Variants in FAT3 observed in about 807,000 individuals in gnomAD.
FAT3 encodes the protein protocadherin Fat 3.
A neutral mutation model predicts 310.2 loss-of-function variants in FAT3; 95 were observed. The ratio of observed to expected loss-of-function variants is 0.31; its 90% confidence interval spans 0.26 to 0.36. The LOEUF (loss-of-function observed/expected upper bound fraction) is 0.36. FAT3 is among the 10% of genes least tolerant of loss of function. The pLI is 1.00. For missense variants in FAT3, 5,408 were observed against 5,715.6 expected, an observed-to-expected ratio of 0.95 and a Z score of 1.74; for synonymous variants, 2,314 against 2,192.9, an observed-to-expected ratio of 1.06 and a Z score of -1.54.
intron 2 of FAT3, among the ~76,000 whole-genome samples, chr11:92,483,756 G>T (rs556390445): frequency 6.6e-6 from 1 of 152,246 alleles, no homozygotes; most frequent in East Asian, 1.9e-4. Flanking sequence ...TAATGAAAGT[G>T]TCAGATAACC....
intron 1 of FAT3, chr11:92,336,382 C>G: frequency 5.6e-6 from 2 of 358,806 alleles, no homozygotes; most frequent in Non-Finnish European, 1.1e-5. Flanking sequence ...GCAGACAGGG[C>G]GACCACAGTC....
intron 1 of FAT3, among the ~76,000 whole-genome samples, chr11:92,265,033 A>G (rs1025332847): frequency 4.7e-5 from 7 of 150,090 alleles, no homozygotes; most frequent in Non-Finnish European, 8.9e-5. Context: ...AAAAAGGTTG[A>G]AAAAAAAACC....
chr11:92,740,656 G>C (rs1376091757), intron 4 of FAT3, among the ~76,000 whole-genome samples: 1 of 152,066 alleles, frequency 6.6e-6, no homozygotes, highest in East Asian at 1.9e-4. Context: ...GTGATTTCAT[G>C]GTCAAAAGAT....
At chr11:92,439,027 A>G (rs763196431) in intron 2 of FAT3, among the ~76,000 whole-genome samples, 3 of 152,228 alleles carry the variant, frequency 2.0e-5, no homozygotes, top group Admixed American at 6.5e-5. Context: ...AGGAAAACAT[A>G]CAGGCAGAAA....
chr11:92,857,800 A>G (rs576935054), intron 20 of FAT3, among the ~76,000 whole-genome samples: 7 of 152,176 alleles, frequency 4.6e-5, no homozygotes, highest in Non-Finnish European at 8.8e-5. Flanking sequence ...CATCTGGTGA[A>G]CCAAGTAAGC....
chr11:92,891,401 G>A lies in FAT3; in HGVS notation c.*288G>A. 1 of 444,966 alleles carries A rather than the reference G, an allele frequency of 2.2e-6. No individual in the cohort carries two copies. Among genetic ancestry groups the A allele is most frequent in the South Asian group, 2.1e-5 (1 of 46,542 alleles). 27.6% of individuals were successfully genotyped at this position (444,966 alleles called of 1,614,324 possible). ...AGGGAAAAATTATTTCACCCACTAA[G>A]TTATACAGCCAGTCTTGTATGGCTT... On this transcript the variant is annotated 3_prime_UTR_variant, in exon 28 of 28. Coordinates refer to ENST00000525166, the MANE Select transcript of FAT3 (RefSeq NM_001367949.2).
At chr11:92,429,074 C>T (rs757170688) in intron 2 of FAT3, among the ~76,000 whole-genome samples, 23 of 152,234 alleles carry the variant, frequency 1.5e-4, no homozygotes, top group African/African-American at 4.6e-4. Flanking sequence ...TTATTGGATG[C>T]GTATATATTT....
chr11:92,731,796 A>C (rs984653598), intron 4 of FAT3, among the ~76,000 whole-genome samples: 1 of 151,900 alleles, frequency 6.6e-6, no homozygotes, highest in East Asian at 1.9e-4. Flanking sequence ...TCTAACACAA[A>C]AGTTTGTTTG....
Position 92,806,479 on chromosome 11 carries a change from T to C in FAT3, c.9211T>C (p.Ser3071Pro), listed in dbSNP as rs867213920. 6.4e-7 allele frequency: 1 copy of C among 1,558,888 alleles called. No homozygotes were observed. The highest frequency in any genetic ancestry group is 1.7e-4 in the Middle Eastern group (1 of 5,954). ...ATATATACGATACTCACTCTATGGA[T>C]CTGGAAACAGTGAATTTTTTCTAGA... ...NGYIRYSLYG[S>P]GNSEFFLDPE... Residue 3071 changes from serine to proline, a missense_variant, in exon 12 of 28, where the codon TCT (serine) becomes CCT (proline). Ser to Pro is a moderately conservative substitution (Grantham distance 74). Around this residue, in one of 5 missense-constraint regions of FAT3, gnomAD observed 4,588 missense variants for 4,809.8 expected, o/e 0.95. Transcript: ENST00000525166.
chr11:92,646,089 A>G (rs570833855), intron 3 of FAT3, among the ~76,000 whole-genome samples: 1 of 152,322 alleles, frequency 6.6e-6, no homozygotes, highest in Non-Finnish European at 1.5e-5. Context: ...ATTCGATTTC[A>G]AGATTCTATA....
intron 10 of FAT3, among the ~76,000 whole-genome samples, chr11:92,802,531 T>A (rs1372887997): frequency 3.3e-5 from 5 of 152,160 alleles, no homozygotes; most frequent in Non-Finnish European, 7.4e-5. Flanking sequence ...AGTCAGTCAT[T>A]AGGAAGGCAC....
At chr11:92,713,577 T>C (rs776748642) in intron 4 of FAT3, among the ~76,000 whole-genome samples, 1 of 152,234 alleles carries the variant, frequency 6.6e-6, no homozygotes, top group East Asian at 1.9e-4. Flanking sequence ...CCCTGTACTT[T>C]AATTTTTTCT....
intron 2 of FAT3, among the ~76,000 whole-genome samples, chr11:92,444,268 A>G (rs1045546364): frequency 2.6e-5 from 4 of 152,074 alleles, no homozygotes; most frequent in South Asian, 2.1e-4. Context: ...GATTTACTCA[A>G]TCCAGTTACC....
chr11:92,800,308 G>A lies in FAT3; in HGVS notation c.7295G>A (p.Ser2432Asn), dbSNP rs1266745135. 13 of 1,613,784 alleles carry A rather than the reference G, an allele frequency of 8.1e-6. No individual in the cohort carries two copies. Among genetic ancestry groups the A allele is most frequent in the African/African-American group, 6.7e-5 (5 of 74,936 alleles). The change falls in exon 10 of 28, where the codon AGC becomes AAC. Residue 2432 changes from serine to asparagine, a missense_variant. Physicochemically the swap from Ser to Asn is conservative, Grantham distance 46. Around this residue, in one of 5 missense-constraint regions of FAT3, gnomAD observed 4,588 missense variants for 4,809.8 expected, o/e 0.95. Transcript: ENST00000525166. Reference protein sequence around the residue: ...DSSDFDRLEYSILSGNDRTSF... With the variant: ...DSSDFDRLEYNILSGNDRTSF... The stretch of plus-strand genomic sequence containing the variant: ...TCTGATTTTGACCGGTTGGAATATA[G>A]CATTTTATCTGGGAATGACCGGACG...
At chr11:92,847,563 C>T (rs1948721117) in intron 19 of FAT3, among the ~76,000 whole-genome samples, 1 of 152,204 alleles carries the variant, frequency 6.6e-6, no homozygotes, top group Admixed American at 6.5e-5. Flanking sequence ...CAGAAGTTCT[C>T]TCAGACTCCT....
chr11:92,574,402 G>A lies in FAT3; in HGVS notation c.3607+49454G>A, dbSNP rs539899100. On this transcript the variant is annotated intron_variant, in intron 3 of 27. Transcript: ENST00000525166. ...TCTGTGGCTCCAAATGCCTTAACCT[G>A]GCAGCAGACTCTAGTGGAGGGAGCC... Among the ~76,000 whole-genome samples, 36 of 152,250 alleles carry A rather than the reference G, an allele frequency of 2.4e-4. No homozygotes were observed. The South Asian group carries it at 7.5e-3, about 32-fold the overall frequency.
intron 2 of FAT3, among the ~76,000 whole-genome samples, chr11:92,379,284 G>C (rs1462936163): frequency 6.6e-6 from 1 of 152,018 alleles, no homozygotes; most frequent in Non-Finnish European, 1.5e-5. Flanking sequence ...CACTTTTCTC[G>C]ATCCAAAATA....
intron 2 of FAT3, among the ~76,000 whole-genome samples, chr11:92,442,954 C>G (rs755531029): frequency 1.6e-4 from 25 of 152,164 alleles, no homozygotes; most frequent in Non-Finnish European, 2.8e-4. Context: ...TGAAACCGTG[C>G]ATGATATATG....
chr11:92,247,309 G>T (rs1404114574), intron 1 of FAT3, among the ~76,000 whole-genome samples: 1 of 151,652 alleles, frequency 6.6e-6, no homozygotes, highest in East Asian at 1.9e-4. Context: ...GTACATGGCT[G>T]AGCCTTGAAA....
Sources: gnomAD v4.1 joint callset for allele counts (sites outside exome capture counted in the v4.1 genomes callset) on GRCh38, gnomAD v4.1.1 for gene constraint, gnomAD v4.1.1 regional missense constraint, MANE v1.5 for transcripts, NCBI Gene and HGNC (gene_info 2026-07-23, HGNC 2026-07-21) for gene names.